Variants in PRKG1 observed in about 807,000 individuals in gnomAD.
PRKG1 encodes the protein protein kinase cGMP-dependent 1, also known as cGMP-dependent protein kinase 1.
PRKG1 carries 35 observed loss-of-function variants against 88.1 expected under a neutral mutation model. The ratio of observed to expected loss-of-function variants is 0.40; its 90% CI spans 0.30 to 0.53. The LOEUF is 0.53. Ranked by LOEUF, PRKG1 falls within the 20% of genes least tolerant of loss-of-function variation. The pLI, the probability that PRKG1 is intolerant of heterozygous loss-of-function variation, is 0.59. For synonymous variants in PRKG1, 303 were observed against 292.5 expected, an observed-to-expected ratio of 1.04 and a Z score of -0.37; for missense variants, 540 against 839.8, an observed-to-expected ratio of 0.64 and a Z score of 4.41.
Position 51,941,211 on chromosome 10 carries a change from T to C in PRKG1, c.762+33641T>C, listed in dbSNP as rs1351306636. Among the ~76,000 whole-genome samples the C allele has an allele frequency of 5.3e-5, 8 of 151,952 alleles. No homozygotes were observed. The East Asian group carries it at 1.2e-3, about 22-fold the overall frequency. ...GTTCCATGTATTTTCTTATGCTTTC[T>C]TTTAAACAAATTTAAAATATTTGGA... On this transcript the variant is annotated intron_variant, in intron 5 of 17. Coordinates refer to ENST00000373980, the MANE Select transcript of PRKG1 (RefSeq NM_006258.4).
intron 3 of PRKG1, among the ~76,000 whole-genome samples, chr10:51,515,033 T>A (rs1282811231): frequency 1.3e-5 from 2 of 152,134 alleles, no homozygotes; most frequent in African/African-American, 4.8e-5. Flanking sequence ...AGTAAAGTTG[T>A]CTCTAGATAT....
At chr10:51,384,170 G>A (rs1248184447) in intron 2 of PRKG1, among the ~76,000 whole-genome samples, 11 of 152,146 alleles carry the variant, frequency 7.2e-5, no homozygotes, top group Admixed American at 7.2e-4. Context: ...CTGTTTCAGA[G>A]GGGGAGCTAA....
At chr10:52,247,805 G>C (rs915887463) in intron 9 of PRKG1, among the ~76,000 whole-genome samples, 1 of 152,094 alleles carries the variant, frequency 6.6e-6, no homozygotes, top group Non-Finnish European at 1.5e-5. Flanking sequence ...AGACCAGCTC[G>C]GTCGGGGAGA....
At chr10:51,582,897 G>A (rs1249885645) in intron 3 of PRKG1, among the ~76,000 whole-genome samples, 1 of 152,072 alleles carries the variant, frequency 6.6e-6, no homozygotes, top group Non-Finnish European at 1.5e-5. Flanking sequence ...GAGATTATTT[G>A]CATAATATTG....
intron 3 of PRKG1, among the ~76,000 whole-genome samples, chr10:51,679,145 G>A (rs1260819046): frequency 2.0e-5 from 3 of 152,082 alleles, no homozygotes; most frequent in Non-Finnish European, 4.4e-5. Flanking sequence ...TCCTACAAAT[G>A]TCCTCTTGCA....
intron 2 of PRKG1, among the ~76,000 whole-genome samples, chr10:51,450,186 T>G (rs1236860477): frequency 6.6e-6 from 1 of 151,948 alleles, no homozygotes; most frequent in Non-Finnish European, 1.5e-5. Flanking sequence ...TTAGGTTTCT[T>G]TATAAAAAGT....
chr10:51,092,597 C>A (rs1844424814), intron 1 of PRKG1, among the ~76,000 whole-genome samples: 1 of 152,168 alleles, frequency 6.6e-6, no homozygotes, highest in South Asian at 2.1e-4. Context: ...GGTGCAAAGG[C>A]TTCTGGGTTA....
intron 2 of PRKG1, among the ~76,000 whole-genome samples, chr10:51,292,604 G>A (rs1840612065): frequency 6.6e-6 from 1 of 152,062 alleles, no homozygotes; most frequent in Admixed American, 6.6e-5. Flanking sequence ...TTCTGCATTG[G>A]CCAATAGCTC....
At chr10:51,609,601 A>C (rs529973935) in intron 3 of PRKG1, among the ~76,000 whole-genome samples, 6 of 152,220 alleles carry the variant, frequency 3.9e-5, no homozygotes, top group Non-Finnish European at 8.8e-5. Flanking sequence ...ATACCTATCA[A>C]CAACAGACTG....
chr10:51,706,653 C>T (rs1210556643), intron 3 of PRKG1, among the ~76,000 whole-genome samples: 1 of 152,146 alleles, frequency 6.6e-6, no homozygotes, highest in African/African-American at 2.4e-5. Context: ...CCAAACTATA[C>T]TCTCAGCACT....
chr10:51,645,424 A>G (rs1021928336), intron 3 of PRKG1, among the ~76,000 whole-genome samples: 2 of 152,192 alleles, frequency 1.3e-5, no homozygotes, highest in South Asian at 4.1e-4. Flanking sequence ...CAATCTTTTG[A>G]GTTCAATTTC....
intron 2 of PRKG1, among the ~76,000 whole-genome samples, chr10:51,186,015 A>AT (rs1424491494): frequency 6.6e-6 from 1 of 151,874 alleles, no homozygotes; most frequent in Non-Finnish European, 1.5e-5. Context: ...ATCTAGTGTC[A>AT]TTTTTTATTT....
intron 3 of PRKG1, among the ~76,000 whole-genome samples, chr10:51,584,016 T>A (rs943754410): frequency 1.3e-5 from 2 of 152,100 alleles, no homozygotes; most frequent in Non-Finnish European, 1.5e-5. Context: ...CTAGCACTTA[T>A]AGCACTTAAT....
chr10:51,391,198 T>C (rs1837388764), intron 2 of PRKG1, among the ~76,000 whole-genome samples: 1 of 152,200 alleles, frequency 6.6e-6, no homozygotes. Flanking sequence ...CCAGAACACA[T>C]TGCTGCCTTC....
chr10:51,690,891 A>AC (rs1246392062), intron 3 of PRKG1, among the ~76,000 whole-genome samples: 1 of 121,732 alleles, frequency 8.2e-6, no homozygotes, highest in African/African-American at 3.3e-5. Flanking sequence ...GCACCACTAC[A>AC]CCCCCCAGCC....
At chr10:51,329,034 G>T (rs1841663381) in intron 2 of PRKG1, among the ~76,000 whole-genome samples, 1 of 152,012 alleles carries the variant, frequency 6.6e-6, no homozygotes, top group South Asian at 2.1e-4. Flanking sequence ...TCTTCACACT[G>T]TTGATTATTT....
At chr10:52,274,750 T>C (rs1841827929) in intron 12 of PRKG1, among the ~76,000 whole-genome samples, 1 of 152,092 alleles carries the variant, frequency 6.6e-6, no homozygotes, top group Non-Finnish European at 1.5e-5. Flanking sequence ...CTTTAAGGAA[T>C]CTCCACACTG....
At chr10:51,932,921 A>T (rs1589432997) in intron 5 of PRKG1, among the ~76,000 whole-genome samples, 1 of 152,320 alleles carries the variant, frequency 6.6e-6, no homozygotes, top group East Asian at 1.9e-4. Context: ...TTTTATAATC[A>T]GTCCCTAAAG....
At chr10:52,093,890 A>T (rs867046943) in intron 7 of PRKG1, among the ~76,000 whole-genome samples, 2 of 152,164 alleles carry the variant, frequency 1.3e-5, no homozygotes, top group African/African-American at 4.8e-5. Flanking sequence ...ATAAATTCCC[A>T]TATACAGAAA....
Sources: gnomAD v4.1 joint callset for allele counts (sites outside exome capture counted in the v4.1 genomes callset) on GRCh38, gnomAD v4.1.1 for gene constraint, MANE v1.5 for transcripts, NCBI Gene and HGNC (gene_info 2026-07-23, HGNC 2026-07-21) for gene names.